Variants in YWHAH observed in about 807,000 individuals in gnomAD.
YWHAH encodes the protein 14-3-3 protein eta.
In YWHAH, 6 loss-of-function variants were observed where a neutral mutation model predicts 22.9. The ratio of observed to expected loss-of-function variants is 0.26; its 90% CI spans 0.14 to 0.52. YWHAH has a LOEUF of 0.52. Ranked by LOEUF, YWHAH falls within the 20% of genes least tolerant of loss-of-function variation. The pLI, the probability that YWHAH is intolerant of heterozygous loss-of-function variation, is 0.97. For synonymous variants in YWHAH, 135 were observed against 124.5 expected (o/e 1.08, Z -0.56); for missense variants, 173 against 308.6 (o/e 0.56, Z 3.29).
At chr22:31,945,125 G>A (rs1213559081) in intron 1 of YWHAH, 4 of 1,078,950 alleles carry the variant, frequency 3.7e-6, no homozygotes, top group Non-Finnish European at 4.5e-6. Context: ...GGGGCAGAGG[G>A]TGCCCTAGGG....
chr22:31,956,258 A>G lies in YWHAH; in HGVS notation c.207A>G (p.Lys69=), dbSNP rs1439603139. 5 of 1,614,068 alleles carry G rather than the reference A, an allele frequency of 3.1e-6. No individual in the cohort carries two copies. The highest frequency in any genetic ancestry group is 4.5e-5 in the East Asian group (2 of 44,896). The change falls in exon 2 of 2, where the codon AAA becomes AAG. Residue 69 remains lysine (K), a synonymous_variant. Transcript: ENST00000248975. The surrounding 1 kb of genome is among the most constrained non-coding windows in gnomAD (Gnocchi z 5.1). ...SWRVISSIEQ[K]TMADGNEKKL... ...GGGTCATTAGCAGCATTGAGCAGAA[A>G]ACCATGGCTGATGGAAACGAAAAGA...
At chr22:31,951,590 C>G (rs144013188) in intron 1 of YWHAH, among the ~76,000 whole-genome samples, 1 of 152,180 alleles carries the variant, frequency 6.6e-6, no homozygotes, top group African/African-American at 2.4e-5. Context: ...TTTTTACTCA[C>G]ACACATAGTT....
At chr22:31,947,523 G>A in intron 1 of YWHAH, 1 of 470,466 alleles carries the variant, frequency 2.1e-6, no homozygotes, top group South Asian at 1.6e-5. Flanking sequence ...TGGAAACAAT[G>A]GTCTTGCCTC....
intron 1 of YWHAH, among the ~76,000 whole-genome samples, chr22:31,948,942 A>C (rs2093838922): frequency 6.6e-6 from 1 of 152,136 alleles, no homozygotes; most frequent in Non-Finnish European, 1.5e-5. Context: ...CACAGTCCGG[A>C]ACTGACTCCC....
chr22:31,947,218 G>T lies in YWHAH; in HGVS notation c.87+2398G>T, dbSNP rs537620509. Among the ~76,000 whole-genome samples the T allele has an allele frequency of 5.3e-5, 8 of 152,296 alleles. No homozygotes were observed. In the East Asian group the frequency reaches 1.5e-3, roughly 29 times the overall value. On this transcript the variant is annotated intron_variant, in intron 1 of 1. Coordinates refer to ENST00000248975, the MANE Select transcript of YWHAH (RefSeq NM_003405.4). ...AGGGCTGGGGAAGGGCAGGTAAGTA[G>T]CCTGCTGTAGGGAGGATGGAGCAGG...
At chr22:31,955,725 A>G (rs1302642887) in intron 1 of YWHAH, among the ~76,000 whole-genome samples, 1 of 152,210 alleles carries the variant, frequency 6.6e-6, no homozygotes, top group Non-Finnish European at 1.5e-5. Flanking sequence ...TACAGGCATA[A>G]GCCATCGCGC....
In YWHAH at chr22:31,945,324, TC is replaced by T. The variant is rs534636313; in HGVS notation, c.87+505del. 7.8e-4 allele frequency: 959 copies of T among 1,226,620 alleles called. 7 individuals are homozygous for T. In the African/African-American group the frequency reaches 0.013, roughly 17 times the overall value. 76.0% of individuals were successfully genotyped at this position (1,226,620 alleles called of 1,614,324 possible). On this transcript the variant is annotated intron_variant, in intron 1 of 1. Transcript: ENST00000248975. Reference sequence around the variant, plus strand: ...GTTTTGCTCTGCTCGTTCGAATTGTTCTGGTTCCATCTTCCCACGCCTGGGG... The same window carrying T: ...GTTTTGCTCTGCTCGTTCGAATTGTTTGGTTCCATCTTCCCACGCCTGGGG...
chr22:31,951,717 T>C lies in YWHAH; in HGVS notation c.88-4422T>C, dbSNP rs114546485. 8.8e-3 allele frequency among the ~76,000 whole-genome samples: 1,332 copies of C among 152,194 alleles called. 17 individuals are homozygous for C. The highest frequency in any genetic ancestry group is 0.031 in the African/African-American group (1,276 of 41,512). On this transcript the variant is annotated intron_variant, in intron 1 of 1. Transcript: ENST00000248975. ...GGTCATTTTTGACATTTAGTAATGT[T>C]GGGGGTAGTCCTGGAGCAGAGAAAA...
intron 1 of YWHAH, among the ~76,000 whole-genome samples, chr22:31,952,043 A>G (rs762544535): frequency 2.6e-4 from 39 of 152,126 alleles, no homozygotes; most frequent in Non-Finnish European, 4.6e-4. Context: ...ACACTGAGGG[A>G]AGGTGCCGTG....
At chr22:31,946,857 A>AT (rs2093835600) in intron 1 of YWHAH, among the ~76,000 whole-genome samples, 1 of 152,214 alleles carries the variant, frequency 6.6e-6, no homozygotes, top group Non-Finnish European at 1.5e-5. Flanking sequence ...TAATATCTAT[A>AT]TTTGAAATAA....
chr22:31,955,706 T>C (rs191423795), intron 1 of YWHAH, among the ~76,000 whole-genome samples: 351 of 152,304 alleles, frequency 2.3e-3, no homozygotes, highest in Non-Finnish European at 4.3e-3. Flanking sequence ...CCTCCTGAAG[T>C]GCTGGGATTA....
chr22:31,946,439 C>T (rs555801567), intron 1 of YWHAH, among the ~76,000 whole-genome samples: 1 of 152,302 alleles, frequency 6.6e-6, no homozygotes, highest in Non-Finnish European at 1.5e-5. Flanking sequence ...GCCCCTCCTC[C>T]CCAGTAACTG....
intron 1 of YWHAH, among the ~76,000 whole-genome samples, chr22:31,949,755 T>C (rs147061931): frequency 2.0e-5 from 3 of 152,372 alleles, no homozygotes; most frequent in East Asian, 3.9e-4. Flanking sequence ...AAACAGCTAG[T>C]AAGTTGTGAA....
At chr22:31,953,938 G>T (rs1010455655) in intron 1 of YWHAH, among the ~76,000 whole-genome samples, 2 of 152,160 alleles carry the variant, frequency 1.3e-5, no homozygotes, top group Admixed American at 1.3e-4. Context: ...CTGGGGCTTG[G>T]GGGTAGGGAG....
chr22:31,945,383 C>G (rs2093832490), intron 1 of YWHAH: 1 of 1,288,088 alleles, frequency 7.8e-7, no homozygotes, highest in South Asian at 1.2e-5. Flanking sequence ...CCCTTTCCTG[C>G]AGTCTAGGCG....
At chr22:31,946,434 T>C (rs1019801919) in intron 1 of YWHAH, among the ~76,000 whole-genome samples, 7 of 152,108 alleles carry the variant, frequency 4.6e-5, no homozygotes, top group Non-Finnish European at 8.8e-5. Flanking sequence ...CTTAAGCCCC[T>C]CCTCCCCAGT....
chr22:31,947,556 C>G (rs1434239181), intron 1 of YWHAH: 1 of 455,614 alleles, frequency 2.2e-6, no homozygotes, highest in African/African-American at 2.0e-5. Context: ...AACTTCTCTT[C>G]CCTGCTTCTC....
intron 1 of YWHAH, chr22:31,947,426 T>G (rs1451396356): frequency 2.1e-6 from 1 of 471,404 alleles, no homozygotes. Flanking sequence ...TTGATAATAC[T>G]GCCTTCCTGT....
chr22:31,947,644 C>G (rs2093836899), intron 1 of YWHAH, among the ~76,000 whole-genome samples: 1 of 152,166 alleles, frequency 6.6e-6, no homozygotes. Context: ...TCATACCTAC[C>G]AGCTTGCATA....
Sources: allele counts gnomAD v4.1 joint callset (sites outside exome capture counted in the v4.1 genomes callset), GRCh38; gene constraint gnomAD v4.1.1; non-coding constraint Gnocchi (gnomAD v3.1); transcripts MANE v1.5; gene names NCBI Gene and HGNC (gene_info 2026-07-23, HGNC 2026-07-21).